SHPK: variants seen among roughly 807,000 people sequenced by gnomAD.
SHPK encodes the protein sedoheptulokinase, also known as carbohydrate kinase-like protein.
Under a neutral mutation model 46.3 loss-of-function variants are expected in SHPK, and 51 were observed. The observed-to-expected ratio is 1.10, with a 90% CI of 0.88 to 1.39. The LOEUF is 1.39. SHPK is among the 40% of genes most tolerant of loss of function. SHPK has a pLI of 0.00. For missense variants in SHPK, 668 were observed against 641.3 expected, an observed-to-expected ratio of 1.04 and a Z score of -0.45; for synonymous variants, 290 against 273.9, an observed-to-expected ratio of 1.06 and a Z score of -0.58.
At position 3,636,147 on chromosome 17, in the gene SHPK, C is replaced by T. The variant is rs957970705; in HGVS notation, c.73G>A (p.Ala25Thr). The T allele has an allele frequency of 1.6e-5, 25 of 1,611,840 alleles. No individual in the cohort carries two copies. Among genetic ancestry groups the T allele is most frequent in the Non-Finnish European group, 2.1e-5 (25 of 1,179,044 alleles). ...TSVKAALLRA[A>T]PDDPSGFAVL... ...GCGAACCCGGATGGGTCGTCGGGCG[C>T]GGCCCTCAGCAGAGCTGCCTTCACA... is the stretch of plus-strand genomic sequence containing the variant. The change falls in exon 1 of 7, where the codon GCG becomes ACG. Residue 25 changes from alanine (A) to threonine (T), a missense_variant. Ala to Thr is a moderately conservative substitution (Grantham distance 58). Coordinates refer to ENST00000225519, the MANE Select transcript of SHPK (RefSeq NM_013276.4).
chr17:3,624,142 T>G lies in SHPK; in HGVS notation c.400A>C (p.Ser134Arg). Residue 134 changes from serine (S) to arginine (R), a missense_variant, in exon 3 of 7, where the codon AGC becomes CGC. By Grantham distance (110) the Ser-to-Arg change is moderately radical (BLOSUM62 -1). Coordinates refer to ENST00000225519, the MANE Select transcript of SHPK (RefSeq NM_013276.4). ...LVTWQDGRCS[S>R]EFLASLPQPK... is the part of the protein sequence containing the mutation. ...TGGGGCAGAGAGGCCAGGAATTCGC[T>G]GCTACATCGGCCATCCTGCCACGTG... 1 of 1,614,146 alleles carries G rather than the reference T, an allele frequency of 6.2e-7. No individual in the cohort carries two copies. Among genetic ancestry groups the G allele is most frequent in the Non-Finnish European group, 8.5e-7 (1 of 1,180,000 alleles).
At chr17:3,615,617 G>A (rs1160536221) in intron 5 of SHPK, 80 bp from the exon 6 acceptor site, 7 of 1,284,472 alleles carry the variant, frequency 5.4e-6, no homozygotes, top group Non-Finnish European at 6.6e-6. Flanking sequence ...GTGAGAGGGG[G>A]TGGCCTGTCG....
chr17:3,631,478 G>GT (rs1288620802), intron 1 of SHPK, among the ~76,000 whole-genome samples: 1 of 124,860 alleles, frequency 8.0e-6, no homozygotes, highest in African/African-American at 3.0e-5. Context: ...CTACAATTTA[G>GT]TATGACAAAA....
chr17:3,614,803 G>A (rs189613725), intron 6 of SHPK, among the ~76,000 whole-genome samples: 73 of 150,460 alleles, frequency 4.9e-4, no homozygotes, highest in Non-Finnish European at 9.5e-4. Flanking sequence ...AGCCGAGATC[G>A]CGCCACTGCA....
intron 1 of SHPK, among the ~76,000 whole-genome samples, chr17:3,634,230 TCC>T (rs1453796463): frequency 7.8e-6 from 1 of 127,454 alleles, no homozygotes; most frequent in East Asian, 2.2e-4. Flanking sequence ...CCCTGCCAAA[TCC>T]CCCTCTGCGA....
chr17:3,628,890 AC>A (rs757390610), intron 2 of SHPK, among the ~76,000 whole-genome samples: 5 of 150,386 alleles, frequency 3.3e-5, no homozygotes, highest in Admixed American at 2.0e-4. Context: ...CTCAAGCAAT[AC>A]TCCTCCTGCC....
In SHPK at chr17:3,636,059, C is replaced by T; in HGVS notation, c.161G>A (p.Gly54Glu). 1.3e-6 allele frequency: 2 copies of T among 1,561,510 alleles called. No homozygotes were observed. The highest frequency in any genetic ancestry group is 8.7e-7 in the Non-Finnish European group (1 of 1,155,956). Residue 54 changes from glycine (G) to glutamate (E), a missense_variant, in exon 1 of 7, where the codon GGG becomes GAG. Transcript: ENST00000225519. ...CCCGGGGGTCCAACTCACCTGGGGC[C>T]CGGCCACCGCGCTCTCGACCGCCGC... ...AEAAVESAVA[G>E]PQGREQDVSR...
At position 3,621,275 on chromosome 17, in the gene SHPK, G is replaced by A. The variant is rs1446501962; in HGVS notation, c.785C>T (p.Ala262Val). The change falls in exon 5 of 7, where the codon GCC becomes GTC. Residue 262 changes from alanine to valine, a missense_variant. Coordinates refer to ENST00000225519, the MANE Select transcript of SHPK (RefSeq NM_013276.4). ...QVGVALGDLQ[A>V]SVYSCMAQRT... Reference sequence around the variant, plus strand: ...CTGGGCCATGCAGGAATAGACAGAGGCCTGTAAATCACCCAAGGCCACTCC... The same window carrying A: ...CTGGGCCATGCAGGAATAGACAGAGACCTGTAAATCACCCAAGGCCACTCC... The A allele has an allele frequency of 1.2e-6, 2 of 1,613,974 alleles. No individual in the cohort carries two copies. Among genetic ancestry groups the A allele is most frequent in the Non-Finnish European group, 1.7e-6 (2 of 1,179,958 alleles).
At chr17:3,628,362 G>A (rs1367581480) in intron 2 of SHPK, among the ~76,000 whole-genome samples, 4 of 148,574 alleles carry the variant, frequency 2.7e-5, no homozygotes, top group Non-Finnish European at 3.0e-5. Context: ...TTGTTCTGTC[G>A]CCCAGGTTGG....
Position 3,621,371 on chromosome 17 carries a change from ATGT to A in SHPK, c.686_688del (p.Asp229_Ile230delinsVal). ...GCCCGCCACACTGCCAGGCTCGGCG[ATGT>A]CTGGGAGCAGGTGGACAGGAAAACC... is the stretch of plus-strand genomic sequence containing the variant. On this transcript the variant is annotated inframe_deletion, in exon 5 of 7. Coordinates refer to ENST00000225519, the MANE Select transcript of SHPK (RefSeq NM_013276.4). 2 of 1,614,106 alleles carry A rather than the reference ATGT, an allele frequency of 1.2e-6. No homozygotes were observed. The highest frequency in any genetic ancestry group is 1.7e-6 in the Non-Finnish European group (2 of 1,179,988).
chr17:3,628,563 T>C (rs1386043196), intron 2 of SHPK, among the ~76,000 whole-genome samples: 2 of 152,288 alleles, frequency 1.3e-5, no homozygotes, highest in African/African-American at 4.8e-5. Flanking sequence ...CCTCGTGATC[T>C]GCCCGCCTCA....
Position 3,615,367 on chromosome 17 carries a change from G to A in SHPK, c.994C>T (p.His332Tyr), listed in dbSNP as rs140358564. 2.4e-5 allele frequency: 38 copies of A among 1,614,196 alleles called. No homozygotes were observed. Among genetic ancestry groups the A allele is most frequent in the African/African-American group, 2.3e-4 (17 of 75,046 alleles). The change falls in exon 6 of 7, where the codon CAC becomes TAC. Residue 332 changes from histidine to tyrosine, a missense_variant. His to Tyr is a moderately conservative substitution (Grantham distance 83). Transcript: ENST00000225519. ...TCTGCCATCCACTGAACCAGCATGT[G>A]GACGAACGTGGCCAGCACATTGCCC... Reference protein sequence around the residue: ...NGGNVLATFVHMLVQWMADLG... With the variant: ...NGGNVLATFVYMLVQWMADLG...
chr17:3,631,413 G>A (rs954169971), intron 1 of SHPK, among the ~76,000 whole-genome samples: 1 of 149,094 alleles, frequency 6.7e-6, no homozygotes, highest in African/African-American at 2.5e-5. Context: ...TACTGAAATC[G>A]TTAGCCACTT....
At chr17:3,634,166 A>G (rs564357697) in intron 1 of SHPK, among the ~76,000 whole-genome samples, 1 of 148,566 alleles carries the variant, frequency 6.7e-6, no homozygotes, top group African/African-American at 2.5e-5. Context: ...GGAAAACCAG[A>G]GACCTTTGTT....
At chr17:3,630,729 T>G (rs1430349495) in intron 1 of SHPK, among the ~76,000 whole-genome samples, 4 of 152,064 alleles carry the variant, frequency 2.6e-5, no homozygotes, top group African/African-American at 9.7e-5. Context: ...CCGGGTATGG[T>G]GGCATGCACC....
intron 5 of SHPK, among the ~76,000 whole-genome samples, chr17:3,618,998 G>A (rs2075384049): frequency 6.6e-6 from 1 of 151,154 alleles, no homozygotes; most frequent in African/African-American, 2.4e-5. Context: ...TTTCCAAAGA[G>A]GCCGTACCTT....
intron 4 of SHPK, chr17:3,622,727 A>T (rs754880504): frequency 1.7e-4 from 46 of 266,770 alleles, no homozygotes; most frequent in Non-Finnish European, 2.4e-4. Flanking sequence ...TTTTTGAGAC[A>T]AGAGTCTCGC....
intron 4 of SHPK, 25 bp downstream of exon 4, chr17:3,623,314 C>T (rs770806690): frequency 6.2e-7 from 1 of 1,613,432 alleles, no homozygotes; most frequent in Admixed American, 1.7e-5. Context: ...GCAGGAGGAA[C>T]AGCCTGCAAG....
intron 5 of SHPK, among the ~76,000 whole-genome samples, chr17:3,620,073 T>C (rs2075390961): frequency 6.6e-6 from 1 of 152,220 alleles, no homozygotes; most frequent in Non-Finnish European, 1.5e-5. Flanking sequence ...ACATATCGTC[T>C]ATGGCTGCTT....
Sources: gnomAD v4.1 joint callset for allele counts (sites outside exome capture counted in the v4.1 genomes callset) on GRCh38, gnomAD v4.1.1 for gene constraint, MANE v1.5 for transcripts, NCBI Gene and HGNC (gene_info 2026-07-23, HGNC 2026-07-21) for gene names.